The following TRABD2B variants were observed in gnomAD, a reference collection of about 807,000 sequenced individuals.
TRABD2B encodes the protein metalloprotease TIKI2.
TRABD2B carries 14 observed loss-of-function variants against 40.1 expected under a neutral mutation model. The observed-to-expected ratio is 0.35, with a 90% CI of 0.23 to 0.55. The LOEUF (loss-of-function observed/expected upper bound fraction) is 0.55. Ranked by LOEUF, TRABD2B falls within the 20% of genes least tolerant of loss-of-function variation. The probability of loss-of-function intolerance (pLI) is 0.90; values close to 1 mark genes in which losing one functional copy is unlikely to be tolerated. For missense variants in TRABD2B, 541 were observed against 648.6 expected, an observed-to-expected ratio of 0.83 and a Z score of 1.80; for synonymous variants, 263 against 277.0, an observed-to-expected ratio of 0.95 and a Z score of 0.50.
Position 47,884,400 on chromosome 1 carries a change from T to C in TRABD2B, c.667-82781A>G, listed in dbSNP as rs1438885178. Among the ~76,000 whole-genome samples the C allele has an allele frequency of 3.9e-5, 6 of 152,210 alleles. No homozygotes were observed. In the East Asian group the frequency reaches 1.2e-3, roughly 29 times the overall value. On this transcript the variant is annotated intron_variant, in intron 2 of 6. Coordinates refer to ENST00000606738, the MANE Select transcript of TRABD2B (RefSeq NM_001194986.2). ...AACACGGTAGAAAATAACTCTTTCT[T>C]GTTTGAAGACACTAAGAGTTTTGGG...
intron 6 of TRABD2B, among the ~76,000 whole-genome samples, chr1:47,772,285 G>C (rs562536545): frequency 9.2e-5 from 14 of 152,048 alleles, no homozygotes; most frequent in African/African-American, 2.7e-4. Flanking sequence ...GGCACAGCAG[G>C]GGAAGCTTGA....
intron 2 of TRABD2B, among the ~76,000 whole-genome samples, chr1:47,923,897 T>G (rs1442441294): frequency 6.8e-6 from 1 of 146,204 alleles, no homozygotes; most frequent in Non-Finnish European, 1.5e-5. Flanking sequence ...TCTCTCACTC[T>G]CTACACACAT....
chr1:47,790,777 T>C (rs999643191), intron 4 of TRABD2B, among the ~76,000 whole-genome samples: 1 of 152,250 alleles, frequency 6.6e-6, no homozygotes, highest in Non-Finnish European at 1.5e-5. Flanking sequence ...TGGTGTTACG[T>C]AATCAGAGAG....
intron 2 of TRABD2B, among the ~76,000 whole-genome samples, chr1:47,965,297 C>A (rs1184119148): frequency 1.4e-5 from 2 of 146,998 alleles, no homozygotes; most frequent in Non-Finnish European, 3.0e-5. Context: ...AAAATTGGGG[C>A]TACATCTCTG....
At chr1:47,862,243 A>C (rs1379648546) in intron 2 of TRABD2B, among the ~76,000 whole-genome samples, 3 of 152,218 alleles carry the variant, frequency 2.0e-5, no homozygotes, top group Admixed American at 2.0e-4. Context: ...AGTCCTAGCT[A>C]ATGTAATTAA....
At chr1:47,842,405 T>C (rs890199091) in intron 2 of TRABD2B, among the ~76,000 whole-genome samples, 1 of 152,132 alleles carries the variant, frequency 6.6e-6, no homozygotes. Context: ...CTCCCTCCTT[T>C]GCCTTTCTTA....
intron 2 of TRABD2B, among the ~76,000 whole-genome samples, chr1:47,919,650 AG>A (rs1404419412): frequency 6.6e-6 from 1 of 152,224 alleles, no homozygotes; most frequent in Non-Finnish European, 1.5e-5. Flanking sequence ...CATCTAGTGG[AG>A]CAATGCACAG....
At chr1:47,837,705 C>T (rs190192937) in intron 2 of TRABD2B, among the ~76,000 whole-genome samples, 8 of 152,250 alleles carry the variant, frequency 5.3e-5, no homozygotes, top group South Asian at 2.1e-4. Context: ...GAGTGATGAG[C>T]GGAAAATGAT....
At chr1:47,944,390 A>G (rs1025088937) in intron 2 of TRABD2B, among the ~76,000 whole-genome samples, 3 of 152,228 alleles carry the variant, frequency 2.0e-5, no homozygotes, top group Admixed American at 6.5e-5. Context: ...ATGGGAAAAA[A>G]GAAATAACCA....
intron 2 of TRABD2B, among the ~76,000 whole-genome samples, chr1:47,909,559 A>AAGGAGGAGGAGG (rs71056647): frequency 9.4e-5 from 11 of 117,408 alleles, no homozygotes; most frequent in African/African-American, 3.0e-4. Flanking sequence ...AAGAAGGAAG[A>AAGGAGGAGGAGG]AGGAGGAGGA....
intron 2 of TRABD2B, among the ~76,000 whole-genome samples, chr1:47,841,083 T>A (rs1246794618): frequency 6.6e-6 from 1 of 152,206 alleles, no homozygotes; most frequent in Non-Finnish European, 1.5e-5. Flanking sequence ...CTGCTGTTAC[T>A]AAAATGGCCA....
intron 2 of TRABD2B, among the ~76,000 whole-genome samples, chr1:47,940,767 G>T (rs1414487945): frequency 1.3e-5 from 2 of 152,224 alleles, no homozygotes; most frequent in African/African-American, 4.8e-5. Flanking sequence ...GAGGCAGGAT[G>T]CAGGAATAAA....
intron 2 of TRABD2B, among the ~76,000 whole-genome samples, chr1:47,863,394 A>ATATAT (rs1396681662): frequency 6.1e-5 from 8 of 130,764 alleles, no homozygotes; most frequent in East Asian, 4.8e-4. Flanking sequence ...ATATATATAT[A>ATATAT]ATCTCTTAAA....
intron 2 of TRABD2B, among the ~76,000 whole-genome samples, chr1:47,991,861 G>A (rs1446481765): frequency 6.6e-6 from 1 of 152,160 alleles, no homozygotes; most frequent in Non-Finnish European, 1.5e-5. Context: ...ACGCGTGCAT[G>A]TAATTTTACT....
At chr1:47,824,381 C>T (rs920692192) in intron 2 of TRABD2B, among the ~76,000 whole-genome samples, 2 of 152,214 alleles carry the variant, frequency 1.3e-5, no homozygotes, top group African/African-American at 2.4e-5. Context: ...AACCCTGACT[C>T]TGACGCCCAC....
Position 47,919,901 on chromosome 1 carries a change from G to T in TRABD2B, c.666+74133C>A, listed in dbSNP as rs115125515. On this transcript the variant is annotated intron_variant, in intron 2 of 6. Transcript: ENST00000606738. ...GAGGGAGGATGTAAATAGGAGGAGA[G>T]GGGTTGAGAGGGCTCCTGGATGTCG... is the stretch of plus-strand genomic sequence containing the variant. Among the ~76,000 whole-genome samples, 800 of 152,312 alleles carry T rather than the reference G, an allele frequency of 5.3e-3. 10 individuals are homozygous for T. Among genetic ancestry groups the T allele is most frequent in the African/African-American group, 0.017 (700 of 41,560 alleles).
intron 6 of TRABD2B, 69 bp downstream of exon 6, chr1:47,775,101 G>C (rs549607017): frequency 8.2e-7 from 1 of 1,225,992 alleles, no homozygotes; most frequent in South Asian, 4.1e-5. Context: ...CCAGCTGTGG[G>C]GGGTTCAGGG....
rs1645356658 is a variant in TRABD2B at position 47,952,297 on chromosome 1, C to A, written c.666+41737G>T. On this transcript the variant is annotated intron_variant, in intron 2 of 6. Transcript: ENST00000606738. ...TCCTTCATTGAGGCCCCAGGTACAT[C>A]TCCTCCAGGAATCCTCCCTTGCTCC... Among the ~76,000 whole-genome samples the A allele has an allele frequency of 3.3e-5, 5 of 152,220 alleles. No individual in the cohort carries two copies. The South Asian group carries it at 1.0e-3, about 32-fold the overall frequency.
Position 47,945,827 on chromosome 1 carries a change from G to A in TRABD2B, c.666+48207C>T, listed in dbSNP as rs527605103. Among the ~76,000 whole-genome samples, 6 of 152,298 alleles carry A rather than the reference G, an allele frequency of 3.9e-5. No homozygotes were observed. The East Asian group carries it at 1.2e-3, about 29-fold the overall frequency. ...TCCCCAGTTTAGGGATATTTGGGTT[G>A]TTTAAATTTGGGGTAGCTACAAAGA... On this transcript the variant is annotated intron_variant, in intron 2 of 6. Coordinates refer to ENST00000606738, the MANE Select transcript of TRABD2B (RefSeq NM_001194986.2).
Sources: gnomAD v4.1 joint callset for allele counts (sites outside exome capture counted in the v4.1 genomes callset) on GRCh38, gnomAD v4.1.1 for gene constraint, MANE v1.5 for transcripts, NCBI Gene and HGNC (gene_info 2026-07-23, HGNC 2026-07-21) for gene names.